XPO5: variants seen among roughly 807,000 people sequenced by gnomAD.
XPO5 encodes exportin-5.
XPO5 carries 46 observed loss-of-function variants against 160.6 expected under a neutral mutation model. That is an observed-to-expected ratio of 0.29 (90% CI 0.23 to 0.37). The LOEUF (loss-of-function observed/expected upper bound fraction) is 0.37, where lower values mean the gene tolerates loss of function less well. Ranked by LOEUF, XPO5 falls within the 10% of genes least tolerant of loss-of-function variation. The pLI is 1.00. For missense variants in XPO5, 1,090 were observed against 1,463.9 expected (o/e 0.74, Z 4.17); for synonymous variants, 537 against 519.3 (o/e 1.03, Z -0.46).
At chr6:43,575,697 C>T (rs940017534) in intron 1 of XPO5, 63 bp downstream of exon 1, 2 of 1,473,108 alleles carry the variant, frequency 1.4e-6, no homozygotes, top group African/African-American at 2.8e-5. Context: ...ACAGGCGGCG[C>T]CGGAGCTGCT....
At chr6:43,565,808 T>C (rs1762668171) in intron 7 of XPO5, 72 bp from the exon 8 acceptor site, 2 of 1,171,210 alleles carry the variant, frequency 1.7e-6, no homozygotes, top group South Asian at 1.4e-5. Context: ...TGTAAGTATA[T>C]AATCAAATAT....
intron 20 of XPO5, among the ~76,000 whole-genome samples, chr6:43,545,460 A>G (rs1794917437): frequency 6.6e-6 from 1 of 151,970 alleles, no homozygotes; most frequent in Admixed American, 6.5e-5. Context: ...GAGTCCCAGC[A>G]CTTTGGGAGG....
At chr6:43,568,985 C>T (rs931842362) in intron 5 of XPO5, among the ~76,000 whole-genome samples, 7 of 152,070 alleles carry the variant, frequency 4.6e-5, no homozygotes, top group Admixed American at 6.5e-5. Context: ...TATATGAAAA[C>T]CATGTACTCA....
chr6:43,558,347 A>C (rs1281907791), intron 12 of XPO5, among the ~76,000 whole-genome samples, 154 bp downstream of exon 12: 1 of 152,012 alleles, frequency 6.6e-6, no homozygotes, highest in Admixed American at 6.6e-5. Context: ...CAGCCCCAGC[A>C]CTCTTCTGCA....
At chr6:43,548,022 C>T (rs1483394897) in intron 18 of XPO5, among the ~76,000 whole-genome samples, 1 of 152,148 alleles carries the variant, frequency 6.6e-6, no homozygotes, top group Non-Finnish European at 1.5e-5. Context: ...TCTCATTTTT[C>T]TAAATGTGCT....
chr6:43,566,811 T>TAAAAAA (rs56147929), intron 7 of XPO5, among the ~76,000 whole-genome samples: 10 of 101,640 alleles, frequency 9.8e-5, no homozygotes, highest in African/African-American at 1.1e-4. Flanking sequence ...CTGTTTCAAT[T>TAAAAAA]AAAAAAAAAA....
At chr6:43,560,846 C>G in intron 10 of XPO5, 78 bp downstream of exon 10, 2 of 1,183,004 alleles carry the variant, frequency 1.7e-6, no homozygotes, top group Non-Finnish European at 2.5e-6. Flanking sequence ...ACATGATCTA[C>G]AATAATATTT....
rs1450372693 is a variant in XPO5, at chr6:43,573,362, T to A, written c.227+118A>T. 11 of 1,347,508 alleles carry A rather than the reference T, an allele frequency of 8.2e-6. No homozygotes were observed. In the Admixed American group the frequency reaches 2.5e-4, roughly 30 times the overall value. The allele number at this position is 1,347,508 out of a possible 1,614,324, so 83.5% of individuals were successfully genotyped here. On this transcript the variant is annotated intron_variant, in intron 2 of 31. Coordinates refer to ENST00000265351, the MANE Select transcript of XPO5 (RefSeq NM_020750.3). ...GGTTCTGATAACATCTAGGGGATCATTCCTCTCTTCTTGGAGATTGCTCTT... is the reference window on the plus strand; with the variant it reads ...GGTTCTGATAACATCTAGGGGATCAATCCTCTCTTCTTGGAGATTGCTCTT...
chr6:43,556,266 G>A (rs1403030243), intron 12 of XPO5, among the ~76,000 whole-genome samples: 2 of 152,146 alleles, frequency 1.3e-5, no homozygotes, highest in African/African-American at 4.8e-5. Flanking sequence ...GCTCACGCCT[G>A]AAATCCTAGC....
At chr6:43,569,335 G>A (rs942442448) in intron 5 of XPO5, among the ~76,000 whole-genome samples, 3 of 151,242 alleles carry the variant, frequency 2.0e-5, no homozygotes, top group Non-Finnish European at 2.9e-5. Flanking sequence ...TATATATGAT[G>A]TTAAATACAT....
Position 43,560,300 on chromosome 6 carries a change from G to C in XPO5, c.1099C>G (p.Leu367Val), listed in dbSNP as rs1398310004. Residue 367 changes from leucine to valine, a missense_variant, in exon 11 of 32, where the codon CTA becomes GTA. Transcript: ENST00000265351. ...CAAGTCATCTGAGTTGAAGAGCGTA[G>C]AAACTAAAGAGAAAAAAAAAAGAAA... ...LAFTTHPSQF[L>V]RSSTQMTWGA... The C allele has an allele frequency of 1.3e-6, 2 of 1,596,358 alleles. No individual in the cohort carries two copies. Among genetic ancestry groups the C allele is most frequent in the African/African-American group, 1.4e-5 (1 of 73,806 alleles).
At chr6:43,547,843 T>C (rs991882366) in intron 18 of XPO5, 136 bp from the exon 19 acceptor site, 1 of 638,384 alleles carries the variant, frequency 1.6e-6, no homozygotes. Flanking sequence ...ATCATACTAA[T>C]TGTCAGTTGT....
chr6:43,522,803 G>T lies in XPO5; in HGVS notation c.*1065C>A. On this transcript the variant is annotated 3_prime_UTR_variant, in exon 32 of 32. Transcript: ENST00000265351. ...CTGTATGGATTAACTCTGCCTTACG[G>T]CCAGTAATAACCTCAGGGCCAGGTC... The T allele has an allele frequency of 2.5e-6, 1 of 399,882 alleles. No individual in the cohort carries two copies. The highest frequency in any genetic ancestry group is 5.5e-6 in the Non-Finnish European group (1 of 180,184). The allele number at this position is 399,882 out of a possible 1,614,324, so 24.8% of individuals were successfully genotyped here.
intron 14 of XPO5, among the ~76,000 whole-genome samples, chr6:43,552,678 A>G (rs144278993): frequency 6.6e-6 from 1 of 152,266 alleles, no homozygotes; most frequent in East Asian, 1.9e-4. Context: ...GTTCTCCTCT[A>G]TACATTATTG....
chr6:43,562,102 A>G lies in XPO5; in HGVS notation c.1011+145T>C, dbSNP rs962778713. On this transcript the variant is annotated intron_variant, in intron 9 of 31. Coordinates refer to ENST00000265351, the MANE Select transcript of XPO5 (RefSeq NM_020750.3). ...AACACTATTCTATTAAGATAATTTAATCTATAGAATCATGCAATAACTTGT... is the reference window on the plus strand; with the variant it reads ...AACACTATTCTATTAAGATAATTTAGTCTATAGAATCATGCAATAACTTGT... The G allele has an allele frequency of 3.3e-5, 18 of 551,726 alleles. No individual in the cohort carries two copies. The Admixed American group carries it at 5.7e-4, about 17-fold the overall frequency. The allele number at this position is 551,726 out of a possible 1,614,324, so 34.2% of individuals were successfully genotyped here.
At chr6:43,542,931 C>T (rs936703685) in intron 20 of XPO5, among the ~76,000 whole-genome samples, 6 of 152,032 alleles carry the variant, frequency 3.9e-5, no homozygotes, top group African/African-American at 1.5e-4. Flanking sequence ...ATGTCAACAG[C>T]AGCATGATAT....
At chr6:43,562,415 T>C in intron 8 of XPO5, 69 bp from the exon 9 acceptor site, 1 of 1,144,108 alleles carries the variant, frequency 8.7e-7, no homozygotes, top group Middle Eastern at 1.9e-4. Context: ...TCACTTTGTG[T>C]CTCATTTCTC....
chr6:43,574,329 T>A (rs1763177483), intron 1 of XPO5, among the ~76,000 whole-genome samples: 1 of 151,916 alleles, frequency 6.6e-6, no homozygotes, highest in Admixed American at 6.6e-5. Flanking sequence ...CTAAGCTATA[T>A]GTTTAAAGTT....
intron 18 of XPO5, 110 bp from the exon 19 acceptor site, chr6:43,547,817 T>C (rs1337438125): frequency 1.2e-6 from 1 of 824,496 alleles, no homozygotes; most frequent in African/African-American, 1.7e-5. Context: ...GCAGTTTTTA[T>C]AGTGAGAGGA....
Sources: allele counts gnomAD v4.1 joint callset (sites outside exome capture counted in the v4.1 genomes callset), GRCh38; gene constraint gnomAD v4.1.1; transcripts MANE v1.5; gene names NCBI Gene and HGNC (gene_info 2026-07-23, HGNC 2026-07-21).